The following LTBP1 variants were observed in gnomAD, a reference collection of about 807,000 sequenced individuals.
The protein encoded by LTBP1 is latent transforming growth factor beta binding protein 1.
LTBP1 carries 129 observed loss-of-function variants against 207.6 expected under a neutral mutation model. That is an observed-to-expected ratio of 0.62 (90% CI 0.54 to 0.72). LTBP1 has a LOEUF of 0.72. Ranked by LOEUF, LTBP1 falls within the 30% of genes least tolerant of loss-of-function variation. The pLI, the probability that LTBP1 is intolerant of heterozygous loss-of-function variation, is 0.00. For missense variants in LTBP1, 2,281 were observed against 2,217.2 expected, an observed-to-expected ratio of 1.03 and a Z score of -0.58; for synonymous variants, 963 against 833.7, an observed-to-expected ratio of 1.16 and a Z score of -2.67.
At chr2:33,285,909 C>G (rs971288628) in intron 19 of LTBP1, 1 of 151,930 alleles carries the variant, frequency 6.6e-6, no homozygotes, top group Non-Finnish European at 1.5e-5. Context: ...TCTTAGTGTT[C>G]TTACTTAGCT....
intron 2 of LTBP1, among the ~76,000 whole-genome samples, chr2:32,991,373 G>C (rs1558483241): frequency 6.6e-6 from 1 of 152,016 alleles, no homozygotes; most frequent in Non-Finnish European, 1.5e-5. Flanking sequence ...ACTTTTTCTT[G>C]AAATATAGTT....
chr2:33,155,563 G>A (rs1347777123), intron 5 of LTBP1, among the ~76,000 whole-genome samples: 1 of 151,998 alleles, frequency 6.6e-6, no homozygotes, highest in African/African-American at 2.4e-5. Context: ...GATGTTTGTA[G>A]CATCTTTGGT....
chr2:33,022,765 C>T (rs1232003843), intron 3 of LTBP1, among the ~76,000 whole-genome samples: 1 of 152,170 alleles, frequency 6.6e-6, no homozygotes, highest in African/African-American at 2.4e-5. Context: ...CTACTCAGTT[C>T]TGCCATGGTA....
At chr2:32,964,686 G>C (rs1679667210) in intron 2 of LTBP1, among the ~76,000 whole-genome samples, 1 of 151,720 alleles carries the variant, frequency 6.6e-6, no homozygotes, top group East Asian at 1.9e-4. Context: ...CAAATTTGAA[G>C]AATTACCTAA....
chr2:33,342,847 A>T lies in LTBP1; in HGVS notation c.3740A>T (p.Glu1247Val). 1 of 1,613,630 alleles carries T rather than the reference A, an allele frequency of 6.2e-7. No individual in the cohort carries two copies. Among genetic ancestry groups the T allele is most frequent in the Non-Finnish European group, 8.5e-7 (1 of 1,179,680 alleles). ...ADGRTCEDID[E>V]CVNNTVCDSH... ...CATGTCTTTTTTGCAGATATTGATG[A>T]ATGTGTAAACAACACTGTTTGTGAC... is the stretch of plus-strand genomic sequence containing the variant. The change falls in exon 25 of 34, where the codon GAA becomes GTA. Residue 1247 changes from glutamate (E) to valine (V), a missense_variant. Glu to Val is a moderately radical substitution (Grantham distance 121, BLOSUM62 -2). Coordinates refer to ENST00000404816, the MANE Select transcript of LTBP1 (RefSeq NM_206943.4).
At chr2:33,024,219 G>A (rs934539376) in intron 3 of LTBP1, among the ~76,000 whole-genome samples, 6 of 152,174 alleles carry the variant, frequency 3.9e-5, no homozygotes, top group African/African-American at 1.4e-4. Context: ...GTTGATAAAT[G>A]ACATAATTAA....
intron 31 of LTBP1, among the ~76,000 whole-genome samples, chr2:33,386,521 C>T (rs2095266599): frequency 6.6e-6 from 1 of 152,182 alleles, no homozygotes; most frequent in Non-Finnish European, 1.5e-5. Flanking sequence ...CTCTGGATTT[C>T]ACTTTATAAA....
chr2:33,235,400 A>G (rs924325989), intron 9 of LTBP1, among the ~76,000 whole-genome samples: 1 of 152,210 alleles, frequency 6.6e-6, no homozygotes, highest in African/African-American at 2.4e-5. Flanking sequence ...TCAGGAAACA[A>G]CAGATGCTGG....
intron 3 of LTBP1, among the ~76,000 whole-genome samples, chr2:33,073,096 A>G (rs1324067779): frequency 6.6e-6 from 1 of 152,198 alleles, no homozygotes; most frequent in Non-Finnish European, 1.5e-5. Context: ...AATCTTGGCC[A>G]GTTCAGTAGT....
At chr2:33,137,756 T>C (rs1427377566) in intron 5 of LTBP1, among the ~76,000 whole-genome samples, 1 of 152,238 alleles carries the variant, frequency 6.6e-6, no homozygotes, top group Non-Finnish European at 1.5e-5. Flanking sequence ...ATCATCACCA[T>C]TTTTTCAATA....
At chr2:33,084,101 C>T (rs1379410878) in intron 3 of LTBP1, among the ~76,000 whole-genome samples, 2 of 152,154 alleles carry the variant, frequency 1.3e-5, no homozygotes, top group East Asian at 3.8e-4. Context: ...AGCTGCAGAT[C>T]TCTAAGGCTC....
At chr2:33,196,061 CA>C (rs2088519904) in intron 7 of LTBP1, among the ~76,000 whole-genome samples, 2 of 152,180 alleles carry the variant, frequency 1.3e-5, no homozygotes, top group African/African-American at 4.8e-5. Context: ...TAATAGACGA[CA>C]GTATAGTGTA....
chr2:33,199,946 C>G (rs2089022204), intron 7 of LTBP1, among the ~76,000 whole-genome samples: 1 of 152,132 alleles, frequency 6.6e-6, no homozygotes, highest in Non-Finnish European at 1.5e-5. Flanking sequence ...TCAAGGAGAA[C>G]TACAAACCAC....
chr2:33,256,660 A>G (rs2092860399), intron 11 of LTBP1, among the ~76,000 whole-genome samples: 3 of 147,892 alleles, frequency 2.0e-5, no homozygotes, highest in Middle Eastern at 3.5e-3. Context: ...CTCCTAATAT[A>G]TAACCTAATA....
intron 32 of LTBP1, among the ~76,000 whole-genome samples, chr2:33,394,210 G>C (rs1004254928): frequency 6.6e-6 from 1 of 151,904 alleles, no homozygotes; most frequent in Non-Finnish European, 1.5e-5. Context: ...TTGTCAGATG[G>C]GTAGATTGTA....
intron 5 of LTBP1, among the ~76,000 whole-genome samples, chr2:33,175,066 C>T (rs1219686969): frequency 6.6e-6 from 1 of 152,040 alleles, no homozygotes; most frequent in Non-Finnish European, 1.5e-5. Context: ...AGAAGAAAAC[C>T]TAGGCATTAC....
rs188491607 is a variant in LTBP1, at chr2:33,056,122, C to G, written c.863+34916C>G. On this transcript the variant is annotated intron_variant, in intron 3 of 33. Coordinates refer to ENST00000404816, the MANE Select transcript of LTBP1 (RefSeq NM_206943.4). Reference sequence around the variant, plus strand: ...CAGGATGATAGTATTGTAATTTGTACTTCCCTCAGGTGGCCGTTTTTCCCC... The same window carrying G: ...CAGGATGATAGTATTGTAATTTGTAGTTCCCTCAGGTGGCCGTTTTTCCCC... 1.7e-3 allele frequency among the ~76,000 whole-genome samples: 263 copies of G among 152,230 alleles called. 1 individual carries two copies. The highest frequency in any genetic ancestry group is 2.5e-3 in the Admixed American group (38 of 15,296).
intron 16 of LTBP1, 56 bp from the exon 17 acceptor site, chr2:33,274,909 G>A: frequency 1.3e-6 from 2 of 1,566,278 alleles, no homozygotes; most frequent in South Asian, 1.1e-5. Flanking sequence ...ACAGAACAGG[G>A]AAACTAAGTT....
intron 3 of LTBP1, among the ~76,000 whole-genome samples, chr2:33,094,175 T>A (rs2079260598): frequency 1.3e-5 from 2 of 152,186 alleles, no homozygotes; most frequent in South Asian, 4.1e-4. Flanking sequence ...TGGAATAAAT[T>A]TATTTTGTAT....
Sources: gnomAD v4.1 joint callset for allele counts (sites outside exome capture counted in the v4.1 genomes callset) on GRCh38, gnomAD v4.1.1 for gene constraint, MANE v1.5 for transcripts, NCBI Gene and HGNC (gene_info 2026-07-23, HGNC 2026-07-21) for gene names.